PLPP4: variants seen among roughly 807,000 people sequenced by gnomAD.
The protein encoded by PLPP4 is phospholipid phosphatase 4, also known as diacylglycerol pyrophosphate like 2.
PLPP4 carries 20 observed loss-of-function variants against 32.2 expected under a neutral mutation model. That is an observed-to-expected ratio of 0.62 (90% CI 0.44 to 0.90). PLPP4 has a LOEUF of 0.90. Ranked by LOEUF, PLPP4 falls within the 40% of genes least tolerant of loss-of-function variation. PLPP4 has a pLI of 0.00. For missense variants in PLPP4, 257 were observed against 353.1 expected, an observed-to-expected ratio of 0.73 and a Z score of 2.18; for synonymous variants, 127 against 133.0, an observed-to-expected ratio of 0.95 and a Z score of 0.31.
At chr10:120,569,679 G>A (rs1848843596) in intron 5 of PLPP4, among the ~76,000 whole-genome samples, 1 of 152,220 alleles carries the variant, frequency 6.6e-6, no homozygotes. Context: ...TAAAGGACAT[G>A]ACCTTTCATG....
chr10:120,481,748 T>C (rs1844216227), intron 1 of PLPP4, among the ~76,000 whole-genome samples: 2 of 152,198 alleles, frequency 1.3e-5, no homozygotes, highest in African/African-American at 2.4e-5. Flanking sequence ...GATGCTGAGA[T>C]TCTACTGTGC....
At chr10:120,480,221 C>G (rs1844132350) in intron 1 of PLPP4, among the ~76,000 whole-genome samples, 1 of 152,152 alleles carries the variant, frequency 6.6e-6, no homozygotes, top group African/African-American at 2.4e-5. Flanking sequence ...ATTCTTGTTA[C>G]TGAGTGTGTT....
At chr10:120,544,320 C>G (rs1240043573) in intron 5 of PLPP4, among the ~76,000 whole-genome samples, 1 of 152,110 alleles carries the variant, frequency 6.6e-6, no homozygotes, top group Admixed American at 6.5e-5. Context: ...TTGACAGAGC[C>G]CCTGGGGGGA....
chr10:120,537,131 A>C (rs1004326607), intron 5 of PLPP4, among the ~76,000 whole-genome samples: 3 of 152,176 alleles, frequency 2.0e-5, no homozygotes, highest in African/African-American at 7.2e-5. Flanking sequence ...AAGAGCATAG[A>C]GCTTCCTAAA....
chr10:120,589,311 G>A lies in PLPP4; in HGVS notation c.625G>A (p.Val209Met). The A allele has an allele frequency of 6.2e-7, 1 of 1,614,126 alleles. No individual in the cohort carries two copies. Among genetic ancestry groups the A allele is most frequent in the Non-Finnish European group, 8.5e-7 (1 of 1,179,994 alleles). ...DYKHHWQDSF[V>M]GGVIGLIFAY... ...TGCTGTTTCCTGCCTAGATTCCTTT[G>A]TGGGTGGAGTCATCGGCCTCATTTT... The change falls in exon 7 of 7, where the codon GTG becomes ATG. Residue 209 changes from valine to methionine, a missense_variant. By Grantham distance (21) the Val-to-Met change is conservative (BLOSUM62 1). Coordinates refer to ENST00000398250, the MANE Select transcript of PLPP4 (RefSeq NM_001030059.3).
chr10:120,584,270 C>T (rs1849651678), intron 6 of PLPP4, among the ~76,000 whole-genome samples: 1 of 152,194 alleles, frequency 6.6e-6, no homozygotes, highest in Non-Finnish European at 1.5e-5. Context: ...TCCAGAATAG[C>T]CCAGATCTCT....
At chr10:120,497,291 C>T (rs1298681279) in intron 1 of PLPP4, among the ~76,000 whole-genome samples, 2 of 152,126 alleles carry the variant, frequency 1.3e-5, no homozygotes, top group African/African-American at 4.8e-5. Flanking sequence ...TCCTGCTTTT[C>T]ATTCTTAGTC....
intron 2 of PLPP4, among the ~76,000 whole-genome samples, chr10:120,513,414 G>A (rs541833085): frequency 6.6e-6 from 1 of 152,330 alleles, no homozygotes; most frequent in Non-Finnish European, 1.5e-5. Context: ...GAGGAAGGAA[G>A]AGTAGAGTCT....
At chr10:120,485,853 G>C (rs1844423752) in intron 1 of PLPP4, among the ~76,000 whole-genome samples, 1 of 152,152 alleles carries the variant, frequency 6.6e-6, no homozygotes, top group South Asian at 2.1e-4. Flanking sequence ...TGGCTGCCCT[G>C]AGATTTGTAT....
intron 1 of PLPP4, among the ~76,000 whole-genome samples, chr10:120,476,222 A>G (rs1843900710): frequency 6.6e-6 from 1 of 152,202 alleles, no homozygotes; most frequent in Non-Finnish European, 1.5e-5. Context: ...CCCCCTGTGC[A>G]GGCCTTGCCT....
At chr10:120,523,278 G>A (rs1846240606) in intron 5 of PLPP4, among the ~76,000 whole-genome samples, 2 of 151,856 alleles carry the variant, frequency 1.3e-5, no homozygotes, top group South Asian at 4.2e-4. Context: ...CTCCAGCCTG[G>A]CAACAGAGTG....
intron 1 of PLPP4, among the ~76,000 whole-genome samples, chr10:120,492,237 A>G (rs563024903): frequency 6.6e-6 from 1 of 152,328 alleles, no homozygotes; most frequent in East Asian, 1.9e-4. Flanking sequence ...TTGTGTTCAG[A>G]CAATGAAAAT....
chr10:120,492,521 C>G (rs79749576), intron 1 of PLPP4, among the ~76,000 whole-genome samples: 8,325 of 152,288 alleles, frequency 0.055, 316 homozygotes, highest in South Asian at 0.11. Context: ...CAGCCTGGCT[C>G]TTTACGTCCA....
chr10:120,490,989 C>T (rs146209663), intron 1 of PLPP4, among the ~76,000 whole-genome samples: 1 of 152,218 alleles, frequency 6.6e-6, no homozygotes, highest in Non-Finnish European at 1.5e-5. Context: ...TGTCCTCGAG[C>T]CCCTATCTCT....
At chr10:120,459,142 G>A (rs1192067512) in intron 1 of PLPP4, among the ~76,000 whole-genome samples, 3 of 152,170 alleles carry the variant, frequency 2.0e-5, no homozygotes, top group South Asian at 2.1e-4. Context: ...TTGCTTATGC[G>A]CGTCTTGCTT....
At chr10:120,548,456 C>A (rs969130160) in intron 5 of PLPP4, among the ~76,000 whole-genome samples, 1 of 152,178 alleles carries the variant, frequency 6.6e-6, no homozygotes. Flanking sequence ...GTATGTACCA[C>A]ATTTTCTTTA....
chr10:120,459,218 G>T (rs144492575), intron 1 of PLPP4, among the ~76,000 whole-genome samples: 3 of 152,192 alleles, frequency 2.0e-5, no homozygotes, highest in Admixed American at 6.5e-5. Flanking sequence ...GTTCCCTCTT[G>T]TGTTACTTAA....
chr10:120,545,537 G>A (rs1339612591), intron 5 of PLPP4, among the ~76,000 whole-genome samples: 1 of 152,062 alleles, frequency 6.6e-6, no homozygotes, highest in Non-Finnish European at 1.5e-5. Context: ...TCCAGCATTT[G>A]GGAAGCTAGG....
chr10:120,503,905 C>G lies in PLPP4; in HGVS notation c.144C>G (p.Asn48Lys). The change falls in exon 2 of 7, where the codon AAC (asparagine) becomes AAG (lysine). Residue 48 changes from asparagine (N) to lysine (K), a missense_variant. By Grantham distance (94) the Asn-to-Lys change is moderately conservative. Coordinates refer to ENST00000398250, the MANE Select transcript of PLPP4 (RefSeq NM_001030059.3). ...LYKNPLVQSD[N>K]IPTRLMFAIS... Reference sequence around the variant, plus strand: ...AAAATCCTTTGGTGCAATCAGATAACATACCTACCCGCCTCATGTTTGTAA... The same window carrying G: ...AAAATCCTTTGGTGCAATCAGATAAGATACCTACCCGCCTCATGTTTGTAA... 1 of 1,607,804 alleles carries G rather than the reference C, an allele frequency of 6.2e-7. No homozygotes were observed. The highest frequency in any genetic ancestry group is 8.5e-7 in the Non-Finnish European group (1 of 1,174,182).
Sources: gnomAD v4.1 joint callset for allele counts (sites outside exome capture counted in the v4.1 genomes callset) on GRCh38, gnomAD v4.1.1 for gene constraint, MANE v1.5 for transcripts, NCBI Gene and HGNC (gene_info 2026-07-23, HGNC 2026-07-21) for gene names.